TTC34: variants seen among roughly 807,000 people sequenced by gnomAD.
TTC34 encodes tetratricopeptide repeat protein 34.
TTC34 carries 44 observed loss-of-function variants against 40.7 expected under a neutral mutation model. The ratio of observed to expected loss-of-function variants is 1.08; its 90% CI spans 0.85 to 1.39. The LOEUF is 1.39. TTC34 is among the 40% of genes most tolerant of loss of function. TTC34 has a pLI of 0.00. For synonymous variants in TTC34, 422 were observed against 398.6 expected (o/e 1.06, Z -0.70); for missense variants, 884 against 838.0 (o/e 1.05, Z -0.68).
chr1:2,773,318 G>C (rs1261066118), intron 6 of TTC34, among the ~76,000 whole-genome samples: 2 of 99,064 alleles, frequency 2.0e-5, no homozygotes, highest in Non-Finnish European at 4.3e-5. Flanking sequence ...GCATCTGACA[G>C]CCCGGAGCAG....
At chr1:2,775,849 C>T (rs541648697) in intron 6 of TTC34, among the ~76,000 whole-genome samples, 6 of 143,686 alleles carry the variant, frequency 4.2e-5, no homozygotes, top group African/African-American at 1.1e-4. Flanking sequence ...TGAGGATGCT[C>T]ACCTGAGGTT....
intron 6 of TTC34, among the ~76,000 whole-genome samples, chr1:2,752,474 C>G (rs1641354788): frequency 3.4e-5 from 5 of 147,274 alleles, no homozygotes; most frequent in African/African-American, 5.0e-5. Context: ...ACGTGACAGC[C>G]TGGAACAGCA....
intron 6 of TTC34, among the ~76,000 whole-genome samples, chr1:2,648,736 C>G (rs1303680210): frequency 6.7e-6 from 1 of 148,600 alleles, no homozygotes; most frequent in Admixed American, 6.7e-5. Context: ...CAGCCTGGAA[C>G]AGCACCGCAC....
Position 2,700,145 on chromosome 1 carries a change from T to C in TTC34, c.2227-54582A>G, listed in dbSNP as rs1290089115. Reference sequence around the variant, plus strand: ...GCAGCATCCTCACCCCAGGTGAGCATCGGACATCCTGGAGCATCACATACT... The same window carrying C: ...GCAGCATCCTCACCCCAGGTGAGCACCGGACATCCTGGAGCATCACATACT... On this transcript the variant is annotated intron_variant, in intron 6 of 8. Coordinates refer to ENST00000401095, the Ensembl canonical transcript of TTC34. Among the ~76,000 whole-genome samples the C allele has an allele frequency of 5.2e-5, 5 of 95,444 alleles. 1 individual carries two copies. Among genetic ancestry groups the C allele is most frequent in the Non-Finnish European group, 1.2e-4 (5 of 42,844 alleles). 62.6% of individuals were successfully genotyped at this position (95,444 alleles called of 152,430 possible).
At chr1:2,677,761 A>G (rs1396501651) in intron 6 of TTC34, among the ~76,000 whole-genome samples, 49 of 146,000 alleles carry the variant, frequency 3.4e-4, no homozygotes, top group African/African-American at 5.8e-4. Flanking sequence ...AGCCTGGAAC[A>G]GCACCCACAC....
Position 2,656,372 on chromosome 1 carries a change from A to AG in TTC34, c.2227-10810_2227-10809insC, listed in dbSNP as rs1639346381. Among the ~76,000 whole-genome samples, 19 of 6,040 alleles carry AG rather than the reference A, an allele frequency of 3.1e-3. 6 individuals are homozygous for AG. Among genetic ancestry groups the AG allele is most frequent in the East Asian group, 7.6e-3 (2 of 262 alleles). 4.0% of individuals were successfully genotyped at this position (6,040 alleles called of 152,430 possible). ...CATCTGACAGCCTGGAACAGCACCC[A>AG]CACCCACAGGTGAGCATCTGACAGC... On this transcript the variant is annotated intron_variant, in intron 6 of 8. Transcript: ENST00000401095.
At chr1:2,747,669 ACGCAAACC>A (rs1569680715) in intron 6 of TTC34, among the ~76,000 whole-genome samples, 3,108 of 139,988 alleles carry the variant, frequency 0.022, no homozygotes, top group Admixed American at 0.034. Flanking sequence ...CTGGAACAGC[ACGCAAACC>A]CCCAGGTGAG....
intron 6 of TTC34, among the ~76,000 whole-genome samples, chr1:2,750,807 C>T (rs1385113954): frequency 3.0e-5 from 4 of 131,636 alleles, no homozygotes; most frequent in Non-Finnish European, 4.7e-5. Context: ...GCGCCCACAC[C>T]CCCAGGCGAG....
rs1013903103 is a variant in TTC34, at chr1:2,683,520, T to A, written c.2227-37957A>T. Among the ~76,000 whole-genome samples the A allele has an allele frequency of 5.7e-3, 660 of 115,178 alleles. 1 individual carries two copies. The highest frequency in any genetic ancestry group is 9.3e-3 in the Non-Finnish European group (491 of 52,700). The allele number at this position is 115,178 out of a possible 152,430, so 75.6% of individuals were successfully genotyped here. A position where few individuals can be genotyped will look rare whatever the true frequency, so the allele number is the denominator to read the frequency against. ...CTGGAACGGCACCCACACCACCAGG[T>A]GAGCATCTGATGGTCTGGAGCAGCA... is the stretch of plus-strand genomic sequence containing the variant. On this transcript the variant is annotated intron_variant, in intron 6 of 8. Transcript: ENST00000401095.
intron 6 of TTC34, among the ~76,000 whole-genome samples, chr1:2,649,423 C>T (rs1639083352): frequency 6.6e-6 from 1 of 152,132 alleles, no homozygotes; most frequent in Non-Finnish European, 1.5e-5. Flanking sequence ...ACCTGACAGC[C>T]TGGAACAGCA....
At chr1:2,649,204 C>T (rs1261299854) in intron 6 of TTC34, among the ~76,000 whole-genome samples, 1 of 151,884 alleles carries the variant, frequency 6.6e-6, no homozygotes, top group Non-Finnish European at 1.5e-5. Context: ...CAGCATTCTC[C>T]AACCCCAGGT....
chr1:2,645,511 AC>A lies in TTC34; in HGVS notation c.2278del (p.Val760SerfsTer7), dbSNP rs1407196606. 1.6e-6 allele frequency: 2 copies of A among 1,262,008 alleles called. No individual in the cohort carries two copies. The highest frequency in any genetic ancestry group is 2.0e-6 in the Non-Finnish European group (2 of 981,766). The allele number at this position is 1,262,008 out of a possible 1,614,324, so 78.2% of individuals were successfully genotyped here. ...CGGCTTCAGAGAGCGGAGCTCAGGGACCACAGTCCCGGGGCCGAGCTTCAGA... is the reference window on the plus strand; with the variant it reads ...CGGCTTCAGAGAGCGGAGCTCAGGGACACAGTCCCGGGGCCGAGCTTCAGA... On this transcript the variant is annotated frameshift_variant, in exon 7 of 9. Transcript: ENST00000401095. LOFTEE classifies it high-confidence loss of function. The surrounding 1 kb of genome is among the most constrained non-coding windows in gnomAD (Gnocchi z 4.7).
At chr1:2,695,270 C>A in intron 6 of TTC34, among the ~76,000 whole-genome samples, 1 of 110,070 alleles carries the variant, frequency 9.1e-6, no homozygotes. Context: ...GCAACAGCAC[C>A]CACACACCCA....
intron 6 of TTC34, among the ~76,000 whole-genome samples, chr1:2,700,093 T>C (rs1439028790): frequency 8.1e-4 from 52 of 64,414 alleles, no homozygotes; most frequent in Middle Eastern, 0.016. Flanking sequence ...GCACCCACAG[T>C]CCCAGGTGAG....
At chr1:2,664,924 C>T (rs1488004155) in intron 6 of TTC34, among the ~76,000 whole-genome samples, 2 of 6 alleles carry the variant, frequency 0.33, no homozygotes, top group Admixed American at 0.5. Flanking sequence ...CAGCACCCTG[C>T]ACCCCCAGGT....
At chr1:2,787,495 A>G in exon 4 of TTC34, 1 of 1,490,936 alleles carries the variant, frequency 6.7e-7, no homozygotes, top group Non-Finnish European at 9.0e-7. Flanking sequence ...TTGGCGTCAT[A>G]GAAGAAGCCC....
rs532836638 is a variant in TTC34 at position 2,695,993 on chromosome 1, C to T, written c.2227-50430G>A. Reference sequence around the variant, plus strand: ...ATCTGATAGCCTGGAACAGAACCCACACCCCCAGGTGAGCATCTGACAGAC... The same window carrying T: ...ATCTGATAGCCTGGAACAGAACCCATACCCCCAGGTGAGCATCTGACAGAC... On this transcript the variant is annotated intron_variant, in intron 6 of 8. Transcript: ENST00000401095. Among the ~76,000 whole-genome samples the T allele has an allele frequency of 5.6e-4, 81 of 145,246 alleles. 5 individuals carry two copies. Among genetic ancestry groups the T allele is most frequent in the African/African-American group, 1.9e-3 (75 of 39,422 alleles).
chr1:2,687,696 A>C (rs1203779766), intron 6 of TTC34, among the ~76,000 whole-genome samples: 1 of 150,768 alleles, frequency 6.6e-6, no homozygotes, highest in Non-Finnish European at 1.5e-5. Context: ...CCCCCAGTTG[A>C]GCATCTGACA....
chr1:2,753,299 C>T (rs1404821442), intron 6 of TTC34, among the ~76,000 whole-genome samples: 9,466 of 55,326 alleles, frequency 0.17, 1 homozygote, highest in Non-Finnish European at 0.22. Flanking sequence ...CCTGCACACC[C>T]AGGTGAGCAT....
Sources: gnomAD v4.1 joint callset for allele counts (sites outside exome capture counted in the v4.1 genomes callset) on GRCh38, gnomAD v4.1.1 for gene constraint, Gnocchi (gnomAD v3.1) non-coding constraint, MANE v1.5 for transcripts, NCBI Gene and HGNC (gene_info 2026-07-23, HGNC 2026-07-21) for gene names.